Variants in SPAG16 observed in about 807,000 individuals in gnomAD.
SPAG16 encodes the protein sperm associated antigen 16.
In SPAG16, 86 loss-of-function variants were observed where a neutral mutation model predicts 80.4. The observed-to-expected ratio is 1.07, with a 90% confidence interval of 0.90 to 1.28. SPAG16 has a LOEUF of 1.28. SPAG16 is among the 50% of genes most tolerant of loss of function. SPAG16 has a pLI of 0.00. For synonymous variants in SPAG16, 294 were observed against 265.9 expected (o/e 1.11, Z -1.03); for missense variants, 870 against 765.3 (o/e 1.14, Z -1.61).
At chr2:214,005,834 A>G (rs1291779073) in intron 12 of SPAG16, among the ~76,000 whole-genome samples, 1 of 152,224 alleles carries the variant, frequency 6.6e-6, no homozygotes, top group Non-Finnish European at 1.5e-5. Flanking sequence ...AAAATAGCTT[A>G]TATATAAACC....
intron 10 of SPAG16, among the ~76,000 whole-genome samples, chr2:213,760,784 T>G (rs1294698648): frequency 6.6e-6 from 1 of 152,212 alleles, no homozygotes; most frequent in Non-Finnish European, 1.5e-5. Flanking sequence ...AAATGTTTTT[T>G]CCTCACAGTT....
At chr2:213,999,764 T>G (rs2046699608) in intron 12 of SPAG16, among the ~76,000 whole-genome samples, 1 of 152,244 alleles carries the variant, frequency 6.6e-6, no homozygotes, top group South Asian at 2.1e-4. Context: ...AACCTACCTC[T>G]TGCATCAGCG....
intron 15 of SPAG16, among the ~76,000 whole-genome samples, chr2:214,298,432 T>C (rs1356207160): frequency 6.6e-6 from 1 of 152,102 alleles, no homozygotes; most frequent in East Asian, 1.9e-4. Context: ...GAAACTGTAT[T>C]TTTTTATGAT....
chr2:214,115,367 G>A (rs13030754), intron 14 of SPAG16, among the ~76,000 whole-genome samples: 14,847 of 152,158 alleles, frequency 0.098, 928 homozygotes, highest in East Asian at 0.29. Context: ...TTAGTTATTT[G>A]GTATTAGCCT....
chr2:214,348,059 C>T (rs1448247254), intron 15 of SPAG16, among the ~76,000 whole-genome samples: 2 of 152,184 alleles, frequency 1.3e-5, no homozygotes, highest in Non-Finnish European at 2.9e-5. Flanking sequence ...TTTTATCTCC[C>T]ACTTTTTTGA....
chr2:213,630,198 A>T (rs180741879), intron 10 of SPAG16, among the ~76,000 whole-genome samples: 141 of 152,278 alleles, frequency 9.3e-4, no homozygotes, highest in African/African-American at 3.2e-3. Context: ...AGCCTAGCGA[A>T]CATGGTGAAA....
chr2:213,643,348 TTATATATATATATATATATATATATA>T (rs61608932), intron 10 of SPAG16, among the ~76,000 whole-genome samples: 607 of 39,120 alleles, frequency 0.016, 23 homozygotes, highest in Middle Eastern at 0.024. Context: ...GATCTTAATT[TTATATATATATATATATATATATATA>T]TATATATATA....
intron 15 of SPAG16, among the ~76,000 whole-genome samples, chr2:214,321,067 G>T (rs1576773731): frequency 1.3e-5 from 2 of 152,158 alleles, no homozygotes; most frequent in East Asian, 3.9e-4. Flanking sequence ...TACAGTGAAA[G>T]TACTACAGTA....
chr2:214,062,020 C>CACACACACACACAA (rs1553706944), intron 13 of SPAG16, among the ~76,000 whole-genome samples: 1 of 146,666 alleles, frequency 6.8e-6, no homozygotes, highest in Non-Finnish European at 1.5e-5. Context: ...CACACACACA[C>CACACACACACACAA]GCAGTGTGTA....
intron 15 of SPAG16, among the ~76,000 whole-genome samples, chr2:214,333,523 C>G (rs373523620): frequency 6.6e-6 from 1 of 152,226 alleles, no homozygotes; most frequent in Non-Finnish European, 1.5e-5. Flanking sequence ...ATCTTACTGT[C>G]AGTGCTGGCC....
At chr2:214,409,354 G>A (rs2126162068) in intron 15 of SPAG16, among the ~76,000 whole-genome samples, 1 of 151,894 alleles carries the variant, frequency 6.6e-6, no homozygotes, top group African/African-American at 2.4e-5. Flanking sequence ...ATATCCTATT[G>A]TTTTACTTAA....
intron 15 of SPAG16, among the ~76,000 whole-genome samples, chr2:214,302,090 G>C (rs1300760443): frequency 3.3e-5 from 5 of 151,990 alleles, no homozygotes; most frequent in African/African-American, 1.2e-4. Flanking sequence ...ATACAGTTTT[G>C]ATAGTTCCTC....
intron 10 of SPAG16, among the ~76,000 whole-genome samples, chr2:213,583,748 C>A (rs985128612): frequency 6.6e-6 from 1 of 152,068 alleles, no homozygotes; most frequent in Admixed American, 6.6e-5. Flanking sequence ...CATATTTGAT[C>A]TTCATTATGA....
intron 10 of SPAG16, among the ~76,000 whole-genome samples, chr2:213,691,179 T>A (rs1436707592): frequency 1.3e-5 from 2 of 152,128 alleles, no homozygotes; most frequent in African/African-American, 4.8e-5. Flanking sequence ...TTCCAGCAAC[T>A]TCCCAGGATA....
At chr2:213,846,033 C>G (rs1279192785) in intron 10 of SPAG16, among the ~76,000 whole-genome samples, 1 of 152,152 alleles carries the variant, frequency 6.6e-6, no homozygotes, top group Non-Finnish European at 1.5e-5. Context: ...ATCTCATTGG[C>G]TAGTGCAAGT....
chr2:213,531,106 A>T (rs1432459311), intron 10 of SPAG16, among the ~76,000 whole-genome samples: 2 of 151,948 alleles, frequency 1.3e-5, no homozygotes, highest in Non-Finnish European at 2.9e-5. Flanking sequence ...ATATTTAGCA[A>T]TGTGGGATGA....
intron 10 of SPAG16, among the ~76,000 whole-genome samples, chr2:213,681,118 G>A (rs186630397): frequency 2.0e-5 from 3 of 152,222 alleles, no homozygotes; most frequent in East Asian, 1.9e-4. Context: ...TTGTCTCCTG[G>A]ACCTGGAAAG....
At chr2:213,914,354 C>T (rs1482855278) in intron 11 of SPAG16, among the ~76,000 whole-genome samples, 1 of 152,048 alleles carries the variant, frequency 6.6e-6, no homozygotes, top group East Asian at 1.9e-4. Flanking sequence ...ATCTTTGTGG[C>T]ACCTGGCTCA....
intron 9 of SPAG16, among the ~76,000 whole-genome samples, chr2:213,397,843 C>T (rs1257037527): frequency 6.6e-6 from 1 of 152,144 alleles, no homozygotes; most frequent in Admixed American, 6.6e-5. Context: ...GCTTTAAATT[C>T]TGCCTATATA....
Sources: gnomAD v4.1 joint callset for allele counts (sites outside exome capture counted in the v4.1 genomes callset) on GRCh38, gnomAD v4.1.1 for gene constraint, MANE v1.5 for transcripts, NCBI Gene and HGNC (gene_info 2026-07-23, HGNC 2026-07-21) for gene names.